INTS9: variants seen among roughly 807,000 people sequenced by gnomAD.
The protein encoded by INTS9 is protein related to CPSF subunits of 74 kDa.
Under a neutral mutation model 79.7 loss-of-function variants are expected in INTS9, and 55 were observed. That is an observed-to-expected ratio of 0.69 (90% CI 0.56 to 0.86). INTS9 has a LOEUF of 0.86. Ranked by LOEUF, INTS9 falls within the 40% of genes least tolerant of loss-of-function variation. INTS9 has a pLI of 0.00. For synonymous variants in INTS9, 319 were observed against 325.2 expected (o/e 0.98, Z 0.20); for missense variants, 721 against 831.5 (o/e 0.87, Z 1.64).
chr8:28,834,307 T>C (rs1450799741), intron 6 of INTS9, among the ~76,000 whole-genome samples: 3 of 152,154 alleles, frequency 2.0e-5, no homozygotes, highest in Non-Finnish European at 4.4e-5. Context: ...CAGAGTTACT[T>C]TCCCCAAAAC....
In INTS9 at chr8:28,877,928, G is replaced by C. The variant is rs10103543; in HGVS notation, c.9+11946C>G. Reference sequence around the variant, plus strand: ...AGCAACGAAAATACAAAGGGTGTTAGAAATATTTTCTAAAAGTATTTGAAA... The same window carrying C: ...AGCAACGAAAATACAAAGGGTGTTACAAATATTTTCTAAAAGTATTTGAAA... On this transcript the variant is annotated intron_variant, in intron 1 of 16. Coordinates refer to ENST00000521022, the MANE Select transcript of INTS9 (RefSeq NM_018250.4). Among the ~76,000 whole-genome samples, 310 of 152,238 alleles carry C rather than the reference G, an allele frequency of 2.0e-3. 2 individuals are homozygous for C. Among genetic ancestry groups the C allele is most frequent in the African/African-American group, 7.1e-3 (296 of 41,552 alleles).
chr8:28,886,082 C>T (rs1810161013), intron 1 of INTS9, among the ~76,000 whole-genome samples: 1 of 151,822 alleles, frequency 6.6e-6, no homozygotes, highest in African/African-American at 2.4e-5. Context: ...GGGTGATGTG[C>T]AAAGTTAGAG....
At chr8:28,783,090 A>T (rs1460770126) in intron 11 of INTS9, among the ~76,000 whole-genome samples, 2 of 144,528 alleles carry the variant, frequency 1.4e-5, no homozygotes, top group African/African-American at 5.3e-5. Context: ...GCTTGCAGTG[A>T]GCCGAGATGG....
rs1802303207 is a variant in INTS9, at chr8:28,767,928, G to GA, written c.*217dup. 5.5e-6 allele frequency: 3 copies of GA among 549,554 alleles called. No homozygotes were observed. The African/African-American group carries it at 5.7e-5, about 10-fold the overall frequency. 34.0% of individuals were successfully genotyped at this position (549,554 alleles called of 1,614,324 possible). A position where few individuals can be genotyped will look rare whatever the true frequency, so the allele number is the denominator to read the frequency against. On this transcript the variant is annotated 3_prime_UTR_variant, in exon 17 of 17. Transcript: ENST00000521022. The stretch of plus-strand genomic sequence containing the variant: ...AGCTCCTTGAGAGAGCCAGAGTTGA[G>GA]AAGAAAATGAGCCTGAAGTTGAAAG...
intron 6 of INTS9, among the ~76,000 whole-genome samples, chr8:28,830,476 T>C (rs994651407): frequency 2.0e-5 from 3 of 151,706 alleles, no homozygotes; most frequent in South Asian, 2.1e-4. Context: ...AATACAAAAA[T>C]TAGCGGGCAT....
intron 16 of INTS9, 36 bp from the exon 17 acceptor site, chr8:28,768,358 G>A: frequency 6.3e-7 from 1 of 1,593,566 alleles, no homozygotes; most frequent in Non-Finnish European, 8.6e-7. Context: ...GGGCTGGGCA[G>A]ACTGCACATC....
chr8:28,835,734 G>A (rs1247509049), intron 5 of INTS9, among the ~76,000 whole-genome samples: 4 of 151,880 alleles, frequency 2.6e-5, no homozygotes, highest in African/African-American at 9.7e-5. Context: ...GAAGTTAAAT[G>A]ACTGTCAGGT....
chr8:28,836,729 G>A (rs1160608211), intron 5 of INTS9, among the ~76,000 whole-genome samples: 1 of 152,120 alleles, frequency 6.6e-6, no homozygotes, highest in Non-Finnish European at 1.5e-5. Context: ...CCTCTCAATT[G>A]AAACCAGTGC....
Position 28,796,537 on chromosome 8 carries a change from T to C in INTS9, c.856+7A>G. 6.6e-7 allele frequency: 1 copy of C among 1,519,392 alleles called. No homozygotes were observed. Among genetic ancestry groups the C allele is most frequent in the Non-Finnish European group, 9.1e-7 (1 of 1,093,664 alleles). 94.1% of individuals were successfully genotyped at this position (1,519,392 alleles called of 1,614,324 possible). On this transcript the variant is annotated splice_region_variant and intron_variant, in intron 9 of 16. Coordinates refer to ENST00000521022, the MANE Select transcript of INTS9 (RefSeq NM_018250.4). Reference sequence around the variant, plus strand: ...CATCCAACGTAAGATGAGAGACGGTTGCACACCTAGGTTGCTGCAGAACTC... The same window carrying C: ...CATCCAACGTAAGATGAGAGACGGTCGCACACCTAGGTTGCTGCAGAACTC...
rs1394378148 is a variant in INTS9, at chr8:28,835,339, C to A, written c.441G>T (p.Val147=). ...ACAAGGAGGCAGACTGAGCCTTTGGCACTCTTTCAATGAAATTCACCAGCT... is the reference window on the plus strand; with the variant it reads ...ACAAGGAGGCAGACTGAGCCTTTGGAACTCTTTCAATGAAATTCACCAGCT... ...MEELVNFIER[V]PKAQSASLWK... The change falls in exon 6 of 17, where the codon GTG becomes GTT. Residue 147 remains valine (V), a synonymous_variant. Transcript: ENST00000521022. The A allele has an allele frequency of 6.2e-7, 1 of 1,613,708 alleles. No homozygotes were observed. Among genetic ancestry groups the A allele is most frequent in the Admixed American group, 1.7e-5 (1 of 59,978 alleles).
chr8:28,869,214 A>T (rs1024357765), intron 1 of INTS9, among the ~76,000 whole-genome samples: 3 of 152,208 alleles, frequency 2.0e-5, no homozygotes, highest in Non-Finnish European at 2.9e-5. Context: ...TTCTTTCAAA[A>T]AGTTTAAAAT....
chr8:28,860,255 C>T (rs1808381326), intron 1 of INTS9, among the ~76,000 whole-genome samples: 1 of 152,222 alleles, frequency 6.6e-6, no homozygotes, highest in Non-Finnish European at 1.5e-5. Context: ...TGACCCGAAA[C>T]ATTTCTCATG....
chr8:28,836,937 C>T (rs745500715), intron 5 of INTS9, among the ~76,000 whole-genome samples: 14 of 152,120 alleles, frequency 9.2e-5, no homozygotes, highest in Non-Finnish European at 1.8e-4. Flanking sequence ...CAACTTATAC[C>T]GTACTTATTA....
At chr8:28,783,123 C>T (rs1240373696) in intron 11 of INTS9, among the ~76,000 whole-genome samples, 5 of 131,220 alleles carry the variant, frequency 3.8e-5, no homozygotes, top group South Asian at 2.5e-4. Context: ...CCAGCCTGGG[C>T]GACAGTGAGA....
intron 15 of INTS9, 49 bp from the exon 16 acceptor site, chr8:28,770,075 G>A: frequency 6.3e-7 from 1 of 1,598,246 alleles, no homozygotes; most frequent in Non-Finnish European, 8.5e-7. Context: ...CTGAGCAGCA[G>A]GGGCCACCGC....
At chr8:28,787,486 C>G (rs564560920) in intron 11 of INTS9, among the ~76,000 whole-genome samples, 1 of 152,264 alleles carries the variant, frequency 6.6e-6, no homozygotes, top group East Asian at 1.9e-4. Context: ...TTTTTGGGCA[C>G]CAACATGATG....
chr8:28,889,695 G>A lies in INTS9; in HGVS notation c.9+179C>T, dbSNP rs1810502470. 1.1e-5 allele frequency: 7 copies of A among 617,546 alleles called. No homozygotes were observed. In the East Asian group the frequency reaches 2.1e-4, roughly 18 times the overall value. 38.3% of individuals were successfully genotyped at this position (617,546 alleles called of 1,614,324 possible). A position where few individuals can be genotyped will look rare whatever the true frequency, so the allele number is the denominator to read the frequency against. On this transcript the variant is annotated intron_variant, in intron 1 of 16. Coordinates refer to ENST00000521022, the MANE Select transcript of INTS9 (RefSeq NM_018250.4). Reference sequence around the variant, plus strand: ...AGACCTCCTGGGAGGGATGGGGTGGGGGAGAGGGAATTCAAACCTTCTCAA... The same window carrying A: ...AGACCTCCTGGGAGGGATGGGGTGGAGGAGAGGGAATTCAAACCTTCTCAA...
chr8:28,795,872 G>A (rs942587615), intron 9 of INTS9, among the ~76,000 whole-genome samples: 5 of 152,178 alleles, frequency 3.3e-5, no homozygotes, highest in African/African-American at 1.2e-4. Context: ...GTCTAAATGA[G>A]AAGCAGAACT....
chr8:28,886,921 A>G (rs535600490), intron 1 of INTS9, among the ~76,000 whole-genome samples: 14 of 152,172 alleles, frequency 9.2e-5, no homozygotes, highest in South Asian at 2.1e-4. Flanking sequence ...TTTTACTTCA[A>G]TGGTTACTGC....
Sources: gnomAD v4.1 joint callset for allele counts (sites outside exome capture counted in the v4.1 genomes callset) on GRCh38, gnomAD v4.1.1 for gene constraint, MANE v1.5 for transcripts, NCBI Gene and HGNC (gene_info 2026-07-23, HGNC 2026-07-21) for gene names.